Variants in SRGAP1 observed in about 807,000 individuals in gnomAD.
SRGAP1 encodes the protein SLIT-ROBO Rho GTPase-activating protein 1.
In SRGAP1, 43 loss-of-function variants were observed where a neutral mutation model predicts 121.9. The observed-to-expected ratio is 0.35, with a 90% CI of 0.28 to 0.46. The LOEUF (loss-of-function observed/expected upper bound fraction) is 0.46. Ranked by LOEUF, SRGAP1 falls within the 20% of genes least tolerant of loss-of-function variation. SRGAP1 has a pLI of 1.00. For missense variants in SRGAP1, 1,102 were observed against 1,350.9 expected (o/e 0.82, Z 2.89); for synonymous variants, 447 against 485.4 (o/e 0.92, Z 1.04).
At position 64,065,226 on chromosome 12, in the gene SRGAP1, A is replaced by G. The variant is rs369367654; in HGVS notation, c.1125+7A>G. The G allele has an allele frequency of 3.1e-6, 5 of 1,607,346 alleles. No individual in the cohort carries two copies. The highest frequency in any genetic ancestry group is 2.2e-5 in the East Asian group (1 of 44,614). On this transcript the variant is annotated splice_region_variant and intron_variant, in intron 8 of 21. Transcript: ENST00000355086. ...CAAAATCGAGAATGAAGAGGTGAGC[A>G]TGCGTTCGTCCTGCCACACCAGTAA...
chr12:64,060,197 CT>C (rs772344837), intron 6 of SRGAP1, among the ~76,000 whole-genome samples: 46 of 136,482 alleles, frequency 3.4e-4, no homozygotes, highest in African/African-American at 1.2e-3. Flanking sequence ...TCCTTTCTTT[CT>C]TTTTTTCTTT....
At chr12:64,087,474 C>T (rs551003591) in intron 11 of SRGAP1, among the ~76,000 whole-genome samples, 50 of 152,266 alleles carry the variant, frequency 3.3e-4, no homozygotes, top group Admixed American at 1.0e-3. Flanking sequence ...GTGGCTCAGC[C>T]TGTAATCCCA....
intron 3 of SRGAP1, 115 bp from the exon 4 acceptor site, chr12:64,016,835 A>T (rs2034415759): frequency 6.9e-6 from 4 of 582,652 alleles, no homozygotes. Context: ...AAAGATGTTT[A>T]CTACAGAGGC....
chr12:63,920,887 A>G (rs1431724382), intron 1 of SRGAP1, among the ~76,000 whole-genome samples: 1 of 152,136 alleles, frequency 6.6e-6, no homozygotes, highest in South Asian at 2.1e-4. Context: ...TTGGGGAGAA[A>G]ATGAAAAGTT....
At chr12:64,137,747 G>A (rs562806556) in intron 21 of SRGAP1, among the ~76,000 whole-genome samples, 51 of 152,024 alleles carry the variant, frequency 3.4e-4, no homozygotes, top group African/African-American at 1.2e-3. Context: ...TTAAACAATA[G>A]CCGCAGCCTC....
At position 64,150,859 on chromosome 12, in the gene SRGAP1, C is replaced by T. The variant is rs543555513; in HGVS notation, c.*8187C>T. ...CTGAGGCAGGAAGATTGCTTGAGCCCAGATGTTTGAGGCTGCAATAAGCTA... is the reference window on the plus strand; with the variant it reads ...CTGAGGCAGGAAGATTGCTTGAGCCTAGATGTTTGAGGCTGCAATAAGCTA... On this transcript the variant is annotated 3_prime_UTR_variant, in exon 22 of 22. Coordinates refer to ENST00000355086, the MANE Select transcript of SRGAP1 (RefSeq NM_020762.4). 7.0e-6 allele frequency: 1 copy of T among 142,860 alleles called. No homozygotes were observed. Among genetic ancestry groups the T allele is most frequent in the Non-Finnish European group, 1.5e-5 (1 of 66,726 alleles). 8.8% of individuals were successfully genotyped at this position (142,860 alleles called of 1,614,324 possible). A position where few individuals can be genotyped will look rare whatever the true frequency, so the allele number is the denominator to read the frequency against.
chr12:63,924,821 A>G (rs1421910696), intron 1 of SRGAP1, among the ~76,000 whole-genome samples: 2 of 151,812 alleles, frequency 1.3e-5, no homozygotes, highest in African/African-American at 4.9e-5. Flanking sequence ...AGTGTCTCCA[A>G]GAGAGTTCTC....
At chr12:63,974,953 T>C (rs956452586) in intron 1 of SRGAP1, among the ~76,000 whole-genome samples, 1 of 152,230 alleles carries the variant, frequency 6.6e-6, no homozygotes, top group Non-Finnish European at 1.5e-5. Context: ...CTATCTGTGA[T>C]GATGACCCCC....
chr12:63,991,808 A>T (rs1035415436), intron 3 of SRGAP1, among the ~76,000 whole-genome samples: 2 of 152,218 alleles, frequency 1.3e-5, no homozygotes, highest in Admixed American at 1.3e-4. Flanking sequence ...TAGGACCAGT[A>T]ACTCTACTGA....
rs191668825 is a variant in SRGAP1, at chr12:63,955,559, A to G, written c.68-28388A>G. Among the ~76,000 whole-genome samples the G allele has an allele frequency of 4.3e-4, 65 of 152,312 alleles. 1 individual carries two copies. The East Asian group carries it at 0.012, about 28-fold the overall frequency. On this transcript the variant is annotated intron_variant, in intron 1 of 21. Coordinates refer to ENST00000355086, the MANE Select transcript of SRGAP1 (RefSeq NM_020762.4). The stretch of plus-strand genomic sequence containing the variant: ...CACTTGACTGAATAAGTGAAAATGT[A>G]ACTTTAAGAGAGACTCCACTGTGGC...
At chr12:63,981,988 CG>C (rs1400809254) in intron 1 of SRGAP1, among the ~76,000 whole-genome samples, 2 of 151,674 alleles carry the variant, frequency 1.3e-5, no homozygotes, top group African/African-American at 2.4e-5. Context: ...CCGAGGTGGG[CG>C]GATCACGAGG....
intron 1 of SRGAP1, among the ~76,000 whole-genome samples, chr12:63,916,753 G>C (rs946271715): frequency 7.9e-5 from 12 of 152,178 alleles, no homozygotes; most frequent in African/African-American, 2.9e-4. Flanking sequence ...AAAGTCATGA[G>C]ATTTAAGAAA....
chr12:63,956,743 A>G (rs1365983691), intron 1 of SRGAP1, among the ~76,000 whole-genome samples: 1 of 78,982 alleles, frequency 1.3e-5, no homozygotes, highest in East Asian at 3.1e-4. Context: ...TTTTTTTTGC[A>G]GCAGCTTTAT....
chr12:64,001,055 CACATACACAT>C (rs2033879692), intron 3 of SRGAP1, among the ~76,000 whole-genome samples: 1 of 152,092 alleles, frequency 6.6e-6, no homozygotes, highest in African/African-American at 2.4e-5. Flanking sequence ...TGAAAAGACA[CACATACACAT>C]ACACACACAA....
chr12:64,094,427 C>CT (rs1266616888), intron 12 of SRGAP1, among the ~76,000 whole-genome samples: 1 of 152,096 alleles, frequency 6.6e-6, no homozygotes, highest in Non-Finnish European at 1.5e-5. Context: ...CTGATGCAAA[C>CT]TAAGTAAATA....
chr12:64,043,021 T>C (rs2035055424), intron 5 of SRGAP1, 49 bp downstream of exon 5: 1 of 1,306,214 alleles, frequency 7.7e-7, no homozygotes, highest in South Asian at 1.3e-5. Context: ...GAGGAGACAA[T>C]ACTAAGAACA....
At chr12:63,983,913 T>C in intron 1 of SRGAP1, 34 bp from the exon 2 acceptor site, 1 of 1,273,310 alleles carries the variant, frequency 7.9e-7, no homozygotes. Context: ...TTAATTTTAA[T>C]GTAACCATCC....
At chr12:64,065,731 T>C (rs1255004072) in intron 8 of SRGAP1, among the ~76,000 whole-genome samples, 2 of 152,202 alleles carry the variant, frequency 1.3e-5, no homozygotes, top group African/African-American at 4.8e-5. Context: ...GCCATGTTAA[T>C]TTAATCCTAA....
intron 1 of SRGAP1, among the ~76,000 whole-genome samples, chr12:63,851,591 C>CTT (rs568426197): frequency 7.1e-6 from 1 of 139,884 alleles, no homozygotes; most frequent in African/African-American, 2.6e-5. Context: ...TTCTTTCTTT[C>CTT]TTTTTTTTTT....
Sources: gnomAD v4.1 joint callset for allele counts (sites outside exome capture counted in the v4.1 genomes callset) on GRCh38, gnomAD v4.1.1 for gene constraint, MANE v1.5 for transcripts, NCBI Gene and HGNC (gene_info 2026-07-23, HGNC 2026-07-21) for gene names.